AGTPBP1: variants seen among roughly 807,000 people sequenced by gnomAD.
AGTPBP1 encodes the protein ATP/GTP binding carboxypeptidase 1.
In AGTPBP1, 70 loss-of-function variants were observed where a neutral mutation model predicts 143.9. That is an observed-to-expected ratio of 0.49 (90% confidence interval 0.40 to 0.59). The LOEUF is 0.59. AGTPBP1 is among the 20% of genes least tolerant of loss of function. The probability of loss-of-function intolerance (pLI) is 0.00; values close to 1 mark genes in which losing one functional copy is unlikely to be tolerated. For missense variants in AGTPBP1, 1,229 were observed against 1,464.5 expected, an observed-to-expected ratio of 0.84 and a Z score of 2.62; for synonymous variants, 463 against 500.2, an observed-to-expected ratio of 0.93 and a Z score of 0.99.
At chr9:85,753,069 C>T in the AGTPBP1 span, among the ~76,000 whole-genome samples, 1 of 152,018 alleles carries the variant, frequency 6.6e-6, no homozygotes, top group African/African-American at 2.4e-5. Flanking sequence ...TCAAATAGAG[C>T]CCCAACTGTC....
At chr9:85,639,125 T>C (rs1309906551) in intron 13 of AGTPBP1, among the ~76,000 whole-genome samples, 1 of 152,124 alleles carries the variant, frequency 6.6e-6, no homozygotes, top group African/African-American at 2.4e-5. Flanking sequence ...ATTCTACAAC[T>C]ATATGCTAGA....
chr9:85,710,003 C>T (rs1837266254), intron 2 of AGTPBP1, among the ~76,000 whole-genome samples: 2 of 152,152 alleles, frequency 1.3e-5, no homozygotes, highest in South Asian at 2.1e-4. Flanking sequence ...CTTGACTCTT[C>T]AAGTCCCTAT....
chr9:85,631,078 C>T (rs752497442), intron 14 of AGTPBP1, among the ~76,000 whole-genome samples: 31 of 152,314 alleles, frequency 2.0e-4, no homozygotes, highest in African/African-American at 4.3e-4. Flanking sequence ...AAATGGTATG[C>T]TTTTCCCCTC....
the AGTPBP1 span, among the ~76,000 whole-genome samples, chr9:85,793,026 T>C: frequency 3.3e-5 from 5 of 152,170 alleles, no homozygotes; most frequent in Non-Finnish European, 7.4e-5. Flanking sequence ...ATAAGAGTAT[T>C]CTCTGGGAAG....
At chr9:85,706,825 G>A (rs575345390) in intron 2 of AGTPBP1, among the ~76,000 whole-genome samples, 84 of 150,642 alleles carry the variant, frequency 5.6e-4, no homozygotes, top group African/African-American at 1.6e-3. Context: ...GCAGTGAGCC[G>A]ACATCGCGCC....
chr9:85,670,259 A>T (rs7870419), intron 7 of AGTPBP1, among the ~76,000 whole-genome samples: 1 of 152,026 alleles, frequency 6.6e-6, no homozygotes, highest in South Asian at 2.1e-4. Context: ...AAGATGAGGT[A>T]GAAAAAGATG....
the AGTPBP1 span, among the ~76,000 whole-genome samples, chr9:85,787,203 TG>T: frequency 6.6e-6 from 1 of 152,230 alleles, no homozygotes; most frequent in Non-Finnish European, 1.5e-5. Flanking sequence ...CTATCTTTTT[TG>T]TTTGCTAATA....
intron 23 of AGTPBP1, among the ~76,000 whole-genome samples, chr9:85,580,110 C>G (rs986451803): frequency 6.6e-6 from 1 of 151,500 alleles, no homozygotes; most frequent in Non-Finnish European, 1.5e-5. Flanking sequence ...TGGTGGCAGG[C>G]CGCTGTAATC....
At chr9:85,752,597 G>C in the AGTPBP1 span, among the ~76,000 whole-genome samples, 10 of 152,280 alleles carry the variant, frequency 6.6e-5, no homozygotes, top group African/African-American at 2.4e-4. Context: ...GCCTCAGTAA[G>C]AGCTAACATT....
chr9:85,728,261 T>C (rs1194909851), intron 1 of AGTPBP1, among the ~76,000 whole-genome samples: 1 of 152,206 alleles, frequency 6.6e-6, no homozygotes, highest in Non-Finnish European at 1.5e-5. Context: ...CCTTTTCTTT[T>C]CAAATAAATG....
At chr9:85,608,955 T>A (rs1830147966) in intron 17 of AGTPBP1, among the ~76,000 whole-genome samples, 1 of 152,136 alleles carries the variant, frequency 6.6e-6, no homozygotes. Context: ...TTACATAAAC[T>A]GGAATTGATC....
Position 85,621,213 on chromosome 9 carries a change from C to T in AGTPBP1, c.2088G>A (p.Leu696=). Residue 696 remains leucine (L), a synonymous_variant, in exon 15 of 26, where the codon TTG becomes TTA. Coordinates refer to ENST00000357081, the MANE Select transcript of AGTPBP1 (RefSeq NM_001330701.2). The part of the protein sequence containing the change: ...SDIIDRVVYD[L]DNPNYTIPEE... ...AAATCAAGACTTACTTTGGGTTATC[C>T]AAGTCATATACCACACGATCTATGA... 6.8e-7 allele frequency: 1 copy of T among 1,461,660 alleles called. No homozygotes were observed. Among genetic ancestry groups the T allele is most frequent in the South Asian group, 1.6e-5 (1 of 61,492 alleles). The allele number at this position is 1,461,660 out of a possible 1,614,324, so 90.5% of individuals were successfully genotyped here. A position where few individuals can be genotyped will look rare whatever the true frequency, so the allele number is the denominator to read the frequency against.
At chr9:85,773,526 C>T in the AGTPBP1 span, among the ~76,000 whole-genome samples, 1 of 151,010 alleles carries the variant, frequency 6.6e-6, no homozygotes, top group Non-Finnish European at 1.5e-5. Flanking sequence ...TTAGTAGAGA[C>T]GGGGTTTTAC....
At chr9:85,640,367 C>T (rs112131268) in intron 13 of AGTPBP1, among the ~76,000 whole-genome samples, 3,588 of 152,256 alleles carry the variant, frequency 0.024, 130 homozygotes, top group African/African-American at 0.075. Context: ...AAATAAAAGA[C>T]GATATGCTAT....
chr9:85,579,161 T>A (rs1195745301), intron 23 of AGTPBP1, 65 bp from the exon 24 acceptor site: 7 of 1,475,526 alleles, frequency 4.7e-6, no homozygotes, highest in Non-Finnish European at 6.3e-6. Context: ...GTTTTTAATT[T>A]TAAAAAGTTT....
At chr9:85,769,888 AT>A in the AGTPBP1 span, among the ~76,000 whole-genome samples, 1 of 152,222 alleles carries the variant, frequency 6.6e-6, no homozygotes, top group Non-Finnish European at 1.5e-5. Context: ...GAGGAGATAT[AT>A]GACAATACTG....
At chr9:85,639,396 CACAT>C (rs1330761557) in intron 13 of AGTPBP1, among the ~76,000 whole-genome samples, 7 of 150,544 alleles carry the variant, frequency 4.6e-5, no homozygotes, top group African/African-American at 1.7e-4. Flanking sequence ...CACACACACA[CACAT>C]ATGAAAAGAA....
intron 20 of AGTPBP1, among the ~76,000 whole-genome samples, 195 bp from the exon 21 acceptor site, chr9:85,588,673 C>T (rs747216066): frequency 3.3e-5 from 5 of 152,006 alleles, no homozygotes; most frequent in Non-Finnish European, 7.4e-5. Flanking sequence ...AACCATATCC[C>T]GAAGGAGCTC....
chr9:85,698,765 T>G (rs1836450262), intron 2 of AGTPBP1, among the ~76,000 whole-genome samples: 1 of 133,680 alleles, frequency 7.5e-6, no homozygotes, highest in African/African-American at 2.8e-5. Flanking sequence ...CGATCTTGGC[T>G]CACTGCAAGC....
Sources: allele counts gnomAD v4.1 joint callset (sites outside exome capture counted in the v4.1 genomes callset), GRCh38; gene constraint gnomAD v4.1.1; transcripts MANE v1.5; gene names NCBI Gene and HGNC (gene_info 2026-07-23, HGNC 2026-07-21).